TENM4: variants seen among roughly 807,000 people sequenced by gnomAD.
TENM4 encodes the protein teneurin transmembrane protein 4, also known as teneurin-4.
In TENM4, 82 loss-of-function variants were observed where a neutral mutation model predicts 243.3. That is an observed-to-expected ratio of 0.34 (90% confidence interval 0.28 to 0.40). The LOEUF (loss-of-function observed/expected upper bound fraction) is 0.40, where lower values mean the gene tolerates loss of function less well. TENM4 is among the 10% of genes least tolerant of loss of function. The pLI is 1.00. For missense variants in TENM4, 3,138 were observed against 3,673.3 expected (o/e 0.85, Z 3.77); for synonymous variants, 1,412 against 1,456.3 (o/e 0.97, Z 0.69).
chr11:79,069,396 A>G (rs1165990736), intron 5 of TENM4, among the ~76,000 whole-genome samples: 1 of 152,342 alleles, frequency 6.6e-6, no homozygotes, highest in East Asian at 1.9e-4. Context: ...TCTCACGGCC[A>G]TGTAACAGTT....
At chr11:79,106,777 G>A (rs570103779) in intron 4 of TENM4, among the ~76,000 whole-genome samples, 4 of 152,146 alleles carry the variant, frequency 2.6e-5, no homozygotes, top group Admixed American at 6.5e-5. Flanking sequence ...CTGCTGACCC[G>A]CATCTTCTGC....
chr11:78,708,262 G>T (rs956425437), intron 27 of TENM4, 99 bp downstream of exon 27: 3 of 1,513,060 alleles, frequency 2.0e-6, no homozygotes, highest in Non-Finnish European at 2.7e-6. Context: ...CTCTTTAAAG[G>T]CTTATCAGTG....
At position 79,139,746 on chromosome 11, in the gene TENM4, T is replaced by C. The variant is rs1275641843; in HGVS notation, c.-66+8964A>G. 3.4e-3 allele frequency among the ~76,000 whole-genome samples: 189 copies of C among 55,436 alleles called. 6 individuals are homozygous for C. Among genetic ancestry groups the C allele is most frequent in the Non-Finnish European group, 6.2e-3 (166 of 26,850 alleles). 36.4% of individuals were successfully genotyped at this position (55,436 alleles called of 152,430 possible). On this transcript the variant is annotated intron_variant, in intron 4 of 33. Transcript: ENST00000278550. ...AATATATATTATATTTATATAAATA[T>C]ATAATATATATTATATTTATATAAA...
intron 6 of TENM4, among the ~76,000 whole-genome samples, chr11:79,007,815 T>C (rs1453414917): frequency 1.3e-5 from 2 of 152,196 alleles, no homozygotes; most frequent in Non-Finnish European, 2.9e-5. Context: ...CAGTGGGAAG[T>C]TGGCTCTTTA....
At chr11:79,150,155 T>C (rs1776139124) in intron 3 of TENM4, among the ~76,000 whole-genome samples, 1 of 152,160 alleles carries the variant, frequency 6.6e-6, no homozygotes, top group Non-Finnish European at 1.5e-5. Context: ...CTTATCATCT[T>C]TCAAATCCAT....
chr11:79,238,655 T>C lies in TENM4; in HGVS notation c.-264-22746A>G, dbSNP rs539410832. The stretch of plus-strand genomic sequence containing the variant: ...CCTCATAATTGCCAAACCTTCATAA[T>C]AAATCTCTTTCTCTCTCTCTCTCTC... On this transcript the variant is annotated intron_variant, in intron 2 of 33. Transcript: ENST00000278550. Among the ~76,000 whole-genome samples, 4 of 151,852 alleles carry C rather than the reference T, an allele frequency of 2.6e-5. No homozygotes were observed. In the South Asian group the frequency reaches 8.4e-4, roughly 32 times the overall value.
intron 1 of TENM4, among the ~76,000 whole-genome samples, chr11:79,431,933 A>G (rs1206864096): frequency 6.6e-6 from 1 of 152,074 alleles, no homozygotes; most frequent in African/African-American, 2.4e-5. Context: ...TTTAATCCCA[A>G]CCTTAATCGA....
At chr11:79,032,650 TG>T (rs57214976) in intron 6 of TENM4, among the ~76,000 whole-genome samples, 3,837 of 152,242 alleles carry the variant, frequency 0.025, 150 homozygotes, top group African/African-American at 0.087. Context: ...AAGGTTCTGG[TG>T]GGAGTCTGTG....
intron 6 of TENM4, among the ~76,000 whole-genome samples, chr11:78,982,974 G>C (rs1003036532): frequency 2.6e-5 from 4 of 152,334 alleles, no homozygotes; most frequent in African/African-American, 7.2e-5. Context: ...TGGGTCTGAG[G>C]AGTTAGCTCC....
chr11:79,431,263 G>T (rs1225012518), intron 1 of TENM4, among the ~76,000 whole-genome samples: 1 of 152,074 alleles, frequency 6.6e-6, no homozygotes, highest in Admixed American at 6.6e-5. Flanking sequence ...TTTTATCATG[G>T]CATTTTCCCT....
intron 23 of TENM4, among the ~76,000 whole-genome samples, chr11:78,724,900 T>C (rs1335452174): frequency 2.0e-5 from 3 of 152,220 alleles, no homozygotes; most frequent in Non-Finnish European, 4.4e-5. Flanking sequence ...CCTTGGATCA[T>C]GACTTTGGAG....
At chr11:78,697,683 C>T (rs574128206) in intron 28 of TENM4, among the ~76,000 whole-genome samples, 25 of 152,258 alleles carry the variant, frequency 1.6e-4, no homozygotes, top group South Asian at 1.0e-3. Context: ...CTAAGCTTGA[C>T]GCAAAGACAA....
intron 2 of TENM4, among the ~76,000 whole-genome samples, chr11:79,265,841 T>C (rs1170820732): frequency 6.6e-6 from 1 of 152,178 alleles, no homozygotes; most frequent in Non-Finnish European, 1.5e-5. Context: ...TGTTCCCGTC[T>C]CTCACCTTCT....
intron 6 of TENM4, among the ~76,000 whole-genome samples, chr11:79,019,699 C>G (rs1156791334): frequency 6.6e-6 from 1 of 152,136 alleles, no homozygotes; most frequent in Non-Finnish European, 1.5e-5. Context: ...GCTACAAAGG[C>G]AAATAAGATG....
At chr11:78,776,900 G>C (rs1033145188) in intron 17 of TENM4, among the ~76,000 whole-genome samples, 3 of 152,134 alleles carry the variant, frequency 2.0e-5, no homozygotes, top group Admixed American at 2.0e-4. Context: ...TATGGTGACA[G>C]AAGATAGAAT....
intron 1 of TENM4, among the ~76,000 whole-genome samples, chr11:79,394,933 A>G (rs931718134): frequency 2.6e-5 from 4 of 152,236 alleles, no homozygotes; most frequent in African/African-American, 9.6e-5. Context: ...ACCAGAAGCC[A>G]GGAACCAGAC....
At chr11:79,380,311 A>G (rs1040992737) in intron 1 of TENM4, among the ~76,000 whole-genome samples, 3 of 146,346 alleles carry the variant, frequency 2.0e-5, no homozygotes, top group Admixed American at 6.8e-5. Context: ...CAGTGTAGGG[A>G]AAAAAAAAAA....
chr11:78,991,866 C>T (rs771876971), intron 6 of TENM4, among the ~76,000 whole-genome samples: 13 of 152,178 alleles, frequency 8.5e-5, no homozygotes, highest in Non-Finnish European at 1.6e-4. Flanking sequence ...GGCTTCCTCA[C>T]CCTGTGCTGC....
intron 6 of TENM4, 62 bp downstream of exon 6, chr11:79,064,676 T>C (rs1296376581): frequency 1.3e-6 from 2 of 1,540,238 alleles, no homozygotes; most frequent in African/African-American, 2.8e-5. Flanking sequence ...GAAATCAATA[T>C]TATAAATAAA....
Sources: allele counts gnomAD v4.1 joint callset (sites outside exome capture counted in the v4.1 genomes callset), GRCh38; gene constraint gnomAD v4.1.1; transcripts MANE v1.5; gene names NCBI Gene and HGNC (gene_info 2026-07-23, HGNC 2026-07-21).